PAK3: variants seen among roughly 807,000 people sequenced by gnomAD.
PAK3 encodes the protein p21 (RAC1) activated kinase 3, also known as serine/threonine-protein kinase PAK 3.
PAK3 carries 4 observed loss-of-function variants against 41.0 expected under a neutral mutation model. The ratio of observed to expected loss-of-function variants is 0.10; its 90% confidence interval spans 0.05 to 0.22. PAK3 has a LOEUF of 0.22. Ranked by LOEUF, PAK3 falls within the 10% of genes least tolerant of loss-of-function variation. The pLI is 1.00. For synonymous variants in PAK3, 146 were observed against 139.6 expected (o/e 1.05, Z -0.32); for missense variants, 205 against 409.9 (o/e 0.50, Z 4.32).
intron 1 of PAK3, among the ~76,000 whole-genome samples, chrX:110,959,820 AT>A (rs954695620): frequency 1.2e-4 from 13 of 112,020 alleles, no homozygotes; most frequent in Non-Finnish European, 1.9e-5. Flanking sequence ...TTTTAAGTTC[AT>A]CCTGAAAAAG....
intron 10 of PAK3, among the ~76,000 whole-genome samples, chrX:111,172,742 C>T (rs2094359614): frequency 1.8e-5 from 2 of 109,796 alleles, no homozygotes; most frequent in African/African-American, 6.6e-5. Context: ...TTTTTGTTTT[C>T]CAAATATCAG....
intron 1 of PAK3, among the ~76,000 whole-genome samples, chrX:111,088,924 G>C (rs2092909947): frequency 8.9e-6 from 1 of 111,894 alleles, no homozygotes; most frequent in African/African-American, 3.3e-5. Context: ...AGCTCAAACT[G>C]ACTTTCACTC....
intron 8 of PAK3, among the ~76,000 whole-genome samples, chrX:111,161,994 CT>C (rs1172050660): frequency 8.9e-6 from 1 of 111,793 alleles, no homozygotes; most frequent in African/African-American, 3.3e-5. Flanking sequence ...TAAACTTGAG[CT>C]TGCATCAGGA....
intron 6 of PAK3, among the ~76,000 whole-genome samples, chrX:111,143,283 A>T (rs2093898427): frequency 9.0e-6 from 1 of 111,553 alleles, no homozygotes; most frequent in African/African-American, 3.2e-5. Context: ...AAGAAGGAAC[A>T]AATTAATCTA....
intron 1 of PAK3, among the ~76,000 whole-genome samples, chrX:110,955,364 T>C (rs1450700848): frequency 8.9e-6 from 1 of 112,074 alleles, no homozygotes; most frequent in Non-Finnish European, 1.9e-5. Flanking sequence ...CTATAATTTC[T>C]CTAAAAATTC....
intron 10 of PAK3, among the ~76,000 whole-genome samples, chrX:111,171,386 T>C (rs768634091): frequency 9.0e-6 from 1 of 110,578 alleles, no homozygotes; most frequent in Non-Finnish European, 1.9e-5. Flanking sequence ...AAATAAATGA[T>C]GCCCTTCAAA....
At position 111,163,589 on chromosome X, in the gene PAK3, A is replaced by G; in HGVS notation, c.628A>G (p.Ile210Val). The stretch of plus-strand genomic sequence containing the variant: ...CTATACTCGTTCTGTGGTTGAATCC[A>G]TTGCTTCACCAGCAGTACCAAATAA... ...SIYTRSVVES[I>V]ASPAVPNKEV... The change falls in exon 10 of 18, where the codon ATT (isoleucine) becomes GTT (valine). Residue 210 changes from isoleucine to valine, a missense_variant. By Grantham distance (29) the Ile-to-Val change is conservative. This residue lies in a region of PAK3 where 75 missense variants were observed against 91.9 expected (regional missense o/e 0.82). Transcript: ENST00000372007. 1 of 1,206,390 alleles carries G rather than the reference A, an allele frequency of 8.3e-7. No individual in the cohort carries two copies. The highest frequency in any genetic ancestry group is 1.1e-6 in the Non-Finnish European group (1 of 890,893).
chrX:111,200,307 G>T (rs1236753370), intron 16 of PAK3, among the ~76,000 whole-genome samples: 1 of 112,022 alleles, frequency 8.9e-6, no homozygotes, highest in African/African-American at 3.2e-5. Context: ...TGCATTCCCT[G>T]TATATGGAGA....
intron 1 of PAK3, among the ~76,000 whole-genome samples, chrX:111,073,179 A>G (rs1362230006): frequency 9.0e-6 from 1 of 111,544 alleles, no homozygotes; most frequent in Admixed American, 9.5e-5. Context: ...AGCTCTGTCT[A>G]GTGAAAATGG....
At chrX:110,949,066 C>T (rs189855813) in intron 1 of PAK3, among the ~76,000 whole-genome samples, 2 of 112,160 alleles carry the variant, frequency 1.8e-5, no homozygotes, top group African/African-American at 6.5e-5. Flanking sequence ...GAACAGAAGT[C>T]ATTCTAAGAG....
intron 11 of PAK3, among the ~76,000 whole-genome samples, chrX:111,189,123 G>T (rs1343455949): frequency 9.0e-6 from 1 of 110,968 alleles, no homozygotes; most frequent in East Asian, 2.8e-4. Context: ...CCAGCTTTAT[G>T]TTCATGCGTA....
intron 5 of PAK3, among the ~76,000 whole-genome samples, chrX:111,136,724 G>A (rs1468132832): frequency 8.9e-6 from 1 of 111,853 alleles, no homozygotes; most frequent in Non-Finnish European, 1.9e-5. Context: ...GTTGAATATT[G>A]CAGAGAAAGG....
At chrX:111,217,108 T>A (rs1407744372) in intron 17 of PAK3, 1 of 594,985 alleles carries the variant, frequency 1.7e-6, no homozygotes, top group African/African-American at 2.5e-5. Context: ...ATACTTACTA[T>A]GTACCAAATT....
chrX:111,024,205 G>A (rs922002624), intron 1 of PAK3, among the ~76,000 whole-genome samples: 7 of 111,644 alleles, frequency 6.3e-5, no homozygotes, highest in Non-Finnish European at 1.1e-4. Flanking sequence ...GATGGTTGTA[G>A]ATGTGTGGTG....
intron 1 of PAK3, among the ~76,000 whole-genome samples, chrX:110,985,695 T>C (rs1190148709): frequency 8.9e-6 from 1 of 112,257 alleles, no homozygotes; most frequent in South Asian, 3.7e-4. Context: ...TATTGAGATA[T>C]TAGCATGTGC....
intron 16 of PAK3, among the ~76,000 whole-genome samples, chrX:111,211,674 C>CAAAA (rs200390666): frequency 3.4e-4 from 19 of 55,139 alleles, no homozygotes; most frequent in African/African-American, 8.0e-4. Flanking sequence ...GACTTTGTCT[C>CAAAA]AAAAAAAAAA....
intron 1 of PAK3, among the ~76,000 whole-genome samples, chrX:111,031,856 C>T (rs1405288189): frequency 9.0e-6 from 1 of 111,660 alleles, no homozygotes; most frequent in Non-Finnish European, 1.9e-5. Context: ...AGGCAACAAA[C>T]AACAGTATTA....
chrX:111,056,133 T>G (rs1457928194), intron 1 of PAK3, among the ~76,000 whole-genome samples: 1 of 111,956 alleles, frequency 8.9e-6, no homozygotes, highest in Non-Finnish European at 1.9e-5. Context: ...AAGTCTGCTG[T>G]TGAAAGACTG....
At chrX:111,034,336 A>G (rs1602929666) in intron 1 of PAK3, among the ~76,000 whole-genome samples, 1 of 111,324 alleles carries the variant, frequency 9.0e-6, no homozygotes, top group East Asian at 2.8e-4. Flanking sequence ...TTTTGAAAAG[A>G]TGATCCTGAG....
Sources: allele counts gnomAD v4.1 joint callset (sites outside exome capture counted in the v4.1 genomes callset), GRCh38; gene constraint gnomAD v4.1.1; regional missense constraint gnomAD v4.1.1; transcripts MANE v1.5; gene names NCBI Gene and HGNC (gene_info 2026-07-23, HGNC 2026-07-21).